The following NFILZ variants were observed in gnomAD, a reference collection of about 807,000 sequenced individuals.
NFILZ encodes the protein NFIL3 like basic leucine zipper.
rs1331918436 is a variant in NFILZ at position 8,678,001 on chromosome 19, T to C, written c.*366T>C. Among the ~76,000 whole-genome samples, 1 of 149,022 alleles carries C rather than the reference T, an allele frequency of 6.7e-6. No individual in the cohort carries two copies. The highest frequency in any genetic ancestry group is 1.5e-5 in the Non-Finnish European group (1 of 67,110). On this transcript the variant is annotated 3_prime_UTR_variant, in exon 6 of 6. Coordinates refer to ENST00000691075, the MANE Select transcript of NFILZ (RefSeq NM_001378600.1). ...TCATTCATCAATCCTTATCCATCCA[T>C]CCATTAGTCCCTCCATCCTTATCCA...
At chr19:8,658,738 A>G (rs1283447733) in intron 3 of NFILZ, among the ~76,000 whole-genome samples, 1 of 152,172 alleles carries the variant, frequency 6.6e-6, no homozygotes, top group Admixed American at 6.5e-5. Context: ...CAGCCCCCAC[A>G]GTGAGGATAT....
chr19:8,655,537 C>T (rs1304458167), intron 3 of NFILZ, among the ~76,000 whole-genome samples: 2 of 152,170 alleles, frequency 1.3e-5, no homozygotes, highest in Non-Finnish European at 2.9e-5. Flanking sequence ...GTCACCTTTA[C>T]GGAAGCGCCG....
At chr19:8,658,344 C>G (rs1600148927) in intron 3 of NFILZ, among the ~76,000 whole-genome samples, 1 of 152,060 alleles carries the variant, frequency 6.6e-6, no homozygotes, top group East Asian at 1.9e-4. Flanking sequence ...GCCAGGCAGT[C>G]TTTTGTCTTG....
Position 8,661,784 on chromosome 19 carries a change from C to T in NFILZ, c.-163-12767C>T, listed in dbSNP as rs571816937. ...GCGTGCGTCTGTAATCCCAGCTACC[C>T]GGGAGGCTGAGGCAGGAGAATCGCT... On this transcript the variant is annotated intron_variant, in intron 3 of 5. Coordinates refer to ENST00000691075, the MANE Select transcript of NFILZ (RefSeq NM_001378600.1). Among the ~76,000 whole-genome samples the T allele has an allele frequency of 2.2e-4, 33 of 152,070 alleles. 1 individual carries two copies. The highest frequency in any genetic ancestry group is 1.9e-3 in the Admixed American group (29 of 15,260).
intron 3 of NFILZ, among the ~76,000 whole-genome samples, chr19:8,671,350 G>GGCAGCAGATAGTTCT (rs1299736012): frequency 6.6e-6 from 1 of 151,910 alleles, no homozygotes; most frequent in Non-Finnish European, 1.5e-5. Flanking sequence ...AATAAACTCG[G>GGCAGCAGATAGTTCT]GCAGCAGAAC....
intron 3 of NFILZ, among the ~76,000 whole-genome samples, chr19:8,656,304 C>CTCA (rs1316552025): frequency 3.3e-4 from 13 of 39,376 alleles, no homozygotes; most frequent in African/African-American, 6.0e-4. Context: ...CACCTCCTCC[C>CTCA]GCAGCGCACC....
chr19:8,670,926 C>T (rs544966588), intron 3 of NFILZ, among the ~76,000 whole-genome samples: 4 of 145,680 alleles, frequency 2.7e-5, no homozygotes, highest in South Asian at 2.2e-4. Context: ...ACCTGGGAGG[C>T]GGAGGTTGCA....
In NFILZ at chr19:8,680,024, C is replaced by T. The variant is rs143012390; in HGVS notation, c.*2389C>T. 0.021 allele frequency among the ~76,000 whole-genome samples: 3,217 copies of T among 151,676 alleles called. 127 individuals are homozygous for T. The highest frequency in any genetic ancestry group is 0.074 in the African/African-American group (3,044 of 41,308). On this transcript the variant is annotated 3_prime_UTR_variant, in exon 6 of 6. Transcript: ENST00000691075. ...CAGCCTGGCCAACATGATGAAGCCC[C>T]GTCTCTAGTAAAAATACAAAAATTA...
intron 1 of NFILZ, among the ~76,000 whole-genome samples, chr19:8,631,143 C>T (rs1258747411): frequency 2.0e-5 from 3 of 152,148 alleles, no homozygotes; most frequent in African/African-American, 4.8e-5. Flanking sequence ...GGAAGGGATA[C>T]AGGAATCATT....
chr19:8,662,950 CCTTTTTTT>C (rs1191244897), intron 3 of NFILZ, among the ~76,000 whole-genome samples: 2 of 146,986 alleles, frequency 1.4e-5, no homozygotes, highest in Non-Finnish European at 3.0e-5. Context: ...TTTTCTTTTT[CCTTTTTTT>C]TTTTTAAGAG....
At chr19:8,639,828 GT>G (rs1472336798) in intron 3 of NFILZ, among the ~76,000 whole-genome samples, 14 of 152,268 alleles carry the variant, frequency 9.2e-5, no homozygotes, top group Admixed American at 9.2e-4. Context: ...TGTGTGTTGG[GT>G]GTCTCTGGGC....
At chr19:8,633,021 C>T (rs1555745724) in intron 2 of NFILZ, among the ~76,000 whole-genome samples, 3 of 118,482 alleles carry the variant, frequency 2.5e-5, no homozygotes, top group African/African-American at 3.5e-5. Context: ...CTGCACCTGC[C>T]TTTTTTTTTT....
intron 3 of NFILZ, among the ~76,000 whole-genome samples, chr19:8,651,064 C>T (rs1555747664): frequency 1.3e-5 from 2 of 152,246 alleles, no homozygotes; most frequent in African/African-American, 4.8e-5. Context: ...TACAATGTGT[C>T]CTGATAAAAT....
intron 3 of NFILZ, among the ~76,000 whole-genome samples, chr19:8,642,128 C>T (rs1281796870): frequency 1.3e-5 from 2 of 152,068 alleles, no homozygotes; most frequent in Non-Finnish European, 2.9e-5. Context: ...AAGTGTGAAG[C>T]CACCATGCCT....
chr19:8,636,960 A>G (rs1332526510), intron 3 of NFILZ, among the ~76,000 whole-genome samples: 20 of 152,160 alleles, frequency 1.3e-4, no homozygotes, highest in African/African-American at 4.6e-4. Flanking sequence ...ACAGTCAGGG[A>G]TAGAGCTGGG....
rs755954670 is a variant in NFILZ, at chr19:8,677,223, G to A, written c.458G>A (p.Arg153Gln). Residue 153 changes from arginine to glutamine, a missense_variant, in exon 6 of 6, where the codon CGG becomes CAG. Arg to Gln is a conservative substitution (Grantham distance 43). Transcript: ENST00000691075. ...RSLDAGIPGC[R>Q]GCLLAPRWTG... ...CTGGATGCTGGGATTCCAGGATGTCGGGGCTGCCTGCTGGCTCCCAGATGG... is the reference window on the plus strand; with the variant it reads ...CTGGATGCTGGGATTCCAGGATGTCAGGGCTGCCTGCTGGCTCCCAGATGG... Among the ~76,000 whole-genome samples the A allele has an allele frequency of 6.6e-6, 1 of 152,202 alleles. No individual in the cohort carries two copies.
chr19:8,639,263 C>G (rs575265980), intron 3 of NFILZ, among the ~76,000 whole-genome samples: 1 of 152,092 alleles, frequency 6.6e-6, no homozygotes, highest in African/African-American at 2.4e-5. Context: ...GGAAGGAGAG[C>G]TTGCAAGATC....
At position 8,680,995 on chromosome 19, in the gene NFILZ, G is replaced by A. The variant is rs2043143993; in HGVS notation, c.*3360G>A. ...AGGGAGGTGATGGAAGCAGGTTGTGGAGGACTTTGTGGGCCAAGGTGAGGA... is the reference window on the plus strand; with the variant it reads ...AGGGAGGTGATGGAAGCAGGTTGTGAAGGACTTTGTGGGCCAAGGTGAGGA... On this transcript the variant is annotated 3_prime_UTR_variant, in exon 6 of 6. Transcript: ENST00000691075. 6.6e-6 allele frequency among the ~76,000 whole-genome samples: 1 copy of A among 152,040 alleles called. No homozygotes were observed. The highest frequency in any genetic ancestry group is 6.6e-5 in the Admixed American group (1 of 15,248).
chr19:8,637,391 A>G (rs1447184525), intron 3 of NFILZ, among the ~76,000 whole-genome samples: 1 of 151,536 alleles, frequency 6.6e-6, no homozygotes, highest in African/African-American at 2.4e-5. Context: ...GAACTCAGCA[A>G]CTCCTGAGGT....
Sources: gnomAD v4.1 joint callset for allele counts (sites outside exome capture counted in the v4.1 genomes callset) on GRCh38, gnomAD v4.1.1 for gene constraint, MANE v1.5 for transcripts, NCBI Gene and HGNC (gene_info 2026-07-23, HGNC 2026-07-21) for gene names.